The following FBN1 variants were observed in gnomAD, a reference collection of about 807,000 sequenced individuals.
FBN1 encodes fibrillin-1.
In FBN1, 29 loss-of-function variants were observed where a neutral mutation model predicts 365.1. That is an observed-to-expected ratio of 0.08 (90% CI 0.06 to 0.11). The LOEUF (loss-of-function observed/expected upper bound fraction) is 0.11. Among genes scored for constraint, FBN1 ranks in the 10% least tolerant of loss-of-function variants. The pLI, the probability that FBN1 is intolerant of heterozygous loss-of-function variation, is 1.00. For missense variants in FBN1, 2,476 were observed against 3,703.2 expected (o/e 0.67, Z 8.60); for synonymous variants, 1,210 against 1,270.5 (o/e 0.95, Z 1.01).
At chr15:48,437,224 T>C (rs1203078755) in intron 52 of FBN1, 98 bp downstream of exon 52, 8 of 1,293,362 alleles carry the variant, frequency 6.2e-6, no homozygotes, top group Admixed American at 5.5e-5. Flanking sequence ...AAAGTAGCAC[T>C]TAATTTTCCA....
At chr15:48,535,349 T>C (rs1256904848) in intron 7 of FBN1, among the ~76,000 whole-genome samples, 1 of 151,928 alleles carries the variant, frequency 6.6e-6, no homozygotes, top group Non-Finnish European at 1.5e-5. Flanking sequence ...AGGGACTTTG[T>C]CCATTTTCTT....
At chr15:48,453,290 C>CAAAAAAAAAAAAA (rs748356141) in intron 44 of FBN1, among the ~76,000 whole-genome samples, 2 of 32,922 alleles carry the variant, frequency 6.1e-5, no homozygotes, top group East Asian at 4.6e-4. Flanking sequence ...AAAAATAAAA[C>CAAAAAAAAAAAAA]AAACAAAAAA....
At chr15:48,563,935 T>C (rs1380032467) in intron 6 of FBN1, among the ~76,000 whole-genome samples, 1 of 152,230 alleles carries the variant, frequency 6.6e-6, no homozygotes, top group East Asian at 1.9e-4. Flanking sequence ...GACTTGGAGA[T>C]GAAGTTTGAT....
chr15:48,462,598 T>C (rs1315823185), intron 42 of FBN1, among the ~76,000 whole-genome samples: 1 of 152,202 alleles, frequency 6.6e-6, no homozygotes, highest in Non-Finnish European at 1.5e-5. Context: ...TTTTGTGTAT[T>C]AGTCCTGCTC....
At chr15:48,497,415 T>A (rs557015326) in intron 18 of FBN1, 24 bp from the exon 19 acceptor site, 20 of 1,599,650 alleles carry the variant, frequency 1.3e-5, no homozygotes, top group Non-Finnish European at 1.6e-5. Context: ...AAGGTCAAAA[T>A]CAATTAAGAT....
chr15:48,558,672 G>C (rs1021942796), intron 6 of FBN1, among the ~76,000 whole-genome samples: 10 of 152,190 alleles, frequency 6.6e-5, no homozygotes, highest in African/African-American at 2.4e-4. Flanking sequence ...ATAGCAGACA[G>C]ATCAGATTCA....
At chr15:48,479,691 C>T (rs972948445) in intron 32 of FBN1, among the ~76,000 whole-genome samples, 1 of 152,190 alleles carries the variant, frequency 6.6e-6, no homozygotes, top group African/African-American at 2.4e-5. Context: ...CTGTTCTTAA[C>T]GTAAAGCTGG....
intron 6 of FBN1, among the ~76,000 whole-genome samples, chr15:48,556,789 G>T (rs908363957): frequency 5.3e-5 from 8 of 152,172 alleles, no homozygotes; most frequent in Admixed American, 3.3e-4. Flanking sequence ...CAAGCGGAGA[G>T]AATTTAAGGT....
At chr15:48,580,218 G>C (rs766037043) in intron 6 of FBN1, among the ~76,000 whole-genome samples, 1 of 152,098 alleles carries the variant, frequency 6.6e-6, no homozygotes, top group Admixed American at 6.6e-5. Context: ...GCATGCACTA[G>C]GACCATTCAT....
rs756503206 is a variant in FBN1 at position 48,492,588 on chromosome 15, TA to T, written c.2729-3del. The T allele has an allele frequency of 8.2e-6, 13 of 1,592,154 alleles. No homozygotes were observed. Among genetic ancestry groups the T allele is most frequent in the Admixed American group, 5.1e-5 (3 of 59,390 alleles). On this transcript the variant is annotated splice_region_variant and splice_polypyrimidine_tract_variant and intron_variant, in intron 23 of 65. Coordinates refer to ENST00000316623, the MANE Select transcript of FBN1 (RefSeq NM_000138.5). ...GGAACACTTCACATTCATCTATATCTAAAAAGAAAAAAAAAGTATAAAGTTA... is the reference window on the plus strand; with the variant it reads ...GGAACACTTCACATTCATCTATATCTAAAAGAAAAAAAAAGTATAAAGTTA...
intron 22 of FBN1, 60 bp from the exon 23 acceptor site, chr15:48,494,314 T>G: frequency 1.5e-6 from 2 of 1,314,036 alleles, no homozygotes; most frequent in Non-Finnish European, 2.2e-6. Context: ...TATCCAGACT[T>G]TGCAGTTCTG....
chr15:48,430,400 G>A (rs2043014603), intron 56 of FBN1, among the ~76,000 whole-genome samples: 1 of 152,162 alleles, frequency 6.6e-6, no homozygotes, highest in Non-Finnish European at 1.5e-5. Flanking sequence ...AAGTAAAGGA[G>A]GAGAATAGAG....
chr15:48,472,457 TTAA>T, intron 35 of FBN1, 91 bp downstream of exon 35: 19 of 1,370,484 alleles, frequency 1.4e-5, no homozygotes, highest in African/African-American at 1.5e-5. Context: ...ACACCTCAGT[TTAA>T]AAAAAAAAAA....
At chr15:48,530,560 A>ATTT (rs61523435) in intron 8 of FBN1, among the ~76,000 whole-genome samples, 5 of 146,904 alleles carry the variant, frequency 3.4e-5, no homozygotes, top group African/African-American at 1.0e-4. Flanking sequence ...CACCGCAGAG[A>ATTT]TTTTTTTTTT....
intron 53 of FBN1, among the ~76,000 whole-genome samples, chr15:48,436,465 T>C (rs1183866076): frequency 1.3e-5 from 2 of 152,178 alleles, no homozygotes; most frequent in Non-Finnish European, 2.9e-5. Context: ...TTAGTGTTGA[T>C]TAAGGGTCAA....
At chr15:48,499,122 C>T (rs1191075658) in intron 17 of FBN1, 84 bp from the exon 18 acceptor site, 4 of 1,377,510 alleles carry the variant, frequency 2.9e-6, no homozygotes, top group African/African-American at 2.8e-5. Flanking sequence ...ACATCATTTC[C>T]TCCAAAGTGA....
intron 5 of FBN1, among the ~76,000 whole-genome samples, chr15:48,598,009 GC>G (rs139203919): frequency 0.014 from 2,150 of 152,290 alleles, 46 homozygotes; most frequent in African/African-American, 0.05. Flanking sequence ...TTGGGATCCA[GC>G]CCCATCTCGC....
At chr15:48,561,431 A>C (rs1245155985) in intron 6 of FBN1, among the ~76,000 whole-genome samples, 1 of 152,206 alleles carries the variant, frequency 6.6e-6, no homozygotes, top group African/African-American at 2.4e-5. Flanking sequence ...AGAAGCATAG[A>C]AAATATTCAC....
chr15:48,425,639 T>C (rs2042973327), intron 59 of FBN1, 100 bp downstream of exon 59: 9 of 1,551,424 alleles, frequency 5.8e-6, no homozygotes, highest in Non-Finnish European at 7.1e-6. Flanking sequence ...TGCTTTCCTA[T>C]GAAACTGCAC....
Sources: allele counts gnomAD v4.1 joint callset (sites outside exome capture counted in the v4.1 genomes callset), GRCh38; gene constraint gnomAD v4.1.1; transcripts MANE v1.5; gene names NCBI Gene and HGNC (gene_info 2026-07-23, HGNC 2026-07-21).